TMEM117: variants seen among roughly 807,000 people sequenced by gnomAD.
TMEM117 encodes the protein transmembrane protein 117.
In TMEM117, 27 loss-of-function variants were observed where a neutral mutation model predicts 52.4. That is an observed-to-expected ratio of 0.51 (90% CI 0.38 to 0.71). TMEM117 has a LOEUF of 0.71. Among genes scored for constraint, TMEM117 ranks in the 30% least tolerant of loss-of-function variants. The pLI is 0.00. For synonymous variants in TMEM117, 215 were observed against 206.3 expected, an observed-to-expected ratio of 1.04 and a Z score of -0.36; for missense variants, 556 against 630.5, an observed-to-expected ratio of 0.88 and a Z score of 1.26.
At chr12:44,300,986 T>C (rs990153722) in intron 6 of TMEM117, among the ~76,000 whole-genome samples, 33 of 152,180 alleles carry the variant, frequency 2.2e-4, no homozygotes, top group Non-Finnish European at 3.8e-4. Flanking sequence ...AAAGGCTATT[T>C]TTATCTTCCT....
intron 5 of TMEM117, among the ~76,000 whole-genome samples, chr12:44,255,013 A>G (rs1490527043): frequency 6.6e-6 from 1 of 152,200 alleles, no homozygotes; most frequent in Admixed American, 6.6e-5. Flanking sequence ...GCTGCATAGT[A>G]TTCCATGGTG....
Position 43,913,304 on chromosome 12 carries a change from A to G in TMEM117, c.278-30906A>G, listed in dbSNP as rs972708209. ...CATCTGCTTCATTCTTCACCACAGGAAAGTGCCTCATATTTAATAAACATT... is the reference window on the plus strand; with the variant it reads ...CATCTGCTTCATTCTTCACCACAGGGAAGTGCCTCATATTTAATAAACATT... On this transcript the variant is annotated intron_variant, in intron 2 of 7. Coordinates refer to ENST00000266534, the MANE Select transcript of TMEM117 (RefSeq NM_032256.3). 2.6e-5 allele frequency among the ~76,000 whole-genome samples: 4 copies of G among 152,292 alleles called. No individual in the cohort carries two copies. The East Asian group carries it at 5.8e-4, about 22-fold the overall frequency.
intron 3 of TMEM117, among the ~76,000 whole-genome samples, chr12:44,116,360 C>T (rs1282639813): frequency 6.6e-6 from 1 of 152,118 alleles, no homozygotes; most frequent in African/African-American, 2.4e-5. Context: ...ATTTCCTTTT[C>T]CTCTTTCTGT....
chr12:44,312,808 T>C lies in TMEM117; in HGVS notation c.768+13069T>C, dbSNP rs193271922. Among the ~76,000 whole-genome samples, 158 of 152,294 alleles carry C rather than the reference T, an allele frequency of 1.0e-3. 1 individual carries two copies. The highest frequency in any genetic ancestry group is 3.6e-3 in the African/African-American group (151 of 41,566). ...TTTTTATAATAGCCATTCTGACAGA[T>C]GTGAGATGGTATCTCATTGTGGTTT... On this transcript the variant is annotated intron_variant, in intron 6 of 7. Coordinates refer to ENST00000266534, the MANE Select transcript of TMEM117 (RefSeq NM_032256.3).
chr12:44,324,952 A>G (rs1951176975), intron 6 of TMEM117, among the ~76,000 whole-genome samples: 1 of 152,180 alleles, frequency 6.6e-6, no homozygotes, highest in South Asian at 2.1e-4. Flanking sequence ...GTTGAACATT[A>G]TGACTTATAA....
intron 4 of TMEM117, among the ~76,000 whole-genome samples, chr12:44,186,886 C>T (rs1949284968): frequency 6.6e-6 from 1 of 152,172 alleles, no homozygotes; most frequent in Non-Finnish European, 1.5e-5. Flanking sequence ...TTTGGAAGCA[C>T]ATTAACATTT....
chr12:44,365,597 A>G (rs1951779114), intron 6 of TMEM117, among the ~76,000 whole-genome samples: 1 of 152,114 alleles, frequency 6.6e-6, no homozygotes, highest in Non-Finnish European at 1.5e-5. Context: ...CATGTAAATT[A>G]AGAAAAATCC....
At chr12:43,822,653 A>G in the TMEM117 span, among the ~76,000 whole-genome samples, 214 of 152,286 alleles carry the variant, frequency 1.4e-3, no homozygotes, top group South Asian at 4.3e-3. Context: ...TTTTTCTATC[A>G]GATGAGCAGG....
intron 3 of TMEM117, among the ~76,000 whole-genome samples, chr12:44,081,988 C>T (rs1029511885): frequency 4.0e-5 from 6 of 151,580 alleles, no homozygotes; most frequent in Admixed American, 6.6e-5. Context: ...AAAAACTCCC[C>T]TAGGTAAATA....
At chr12:44,380,833 C>T (rs1294080838) in intron 7 of TMEM117, among the ~76,000 whole-genome samples, 1 of 152,128 alleles carries the variant, frequency 6.6e-6, no homozygotes, top group Non-Finnish European at 1.5e-5. Context: ...CCTCTTGCCA[C>T]TTACCCACTA....
At chr12:44,242,452 C>T (rs1190729447) in intron 5 of TMEM117, among the ~76,000 whole-genome samples, 3 of 151,854 alleles carry the variant, frequency 2.0e-5, no homozygotes, top group Non-Finnish European at 4.4e-5. Context: ...ATCGTCATCC[C>T]TGCAAAGGAC....
intron 4 of TMEM117, among the ~76,000 whole-genome samples, chr12:44,163,287 T>C (rs1003333739): frequency 3.3e-5 from 5 of 152,336 alleles, no homozygotes; most frequent in Non-Finnish European, 5.9e-5. Context: ...TCTTAATACC[T>C]TTTGTCTACA....
chr12:44,206,160 C>T (rs1395836036), intron 4 of TMEM117, among the ~76,000 whole-genome samples: 3 of 152,058 alleles, frequency 2.0e-5, no homozygotes, highest in African/African-American at 4.8e-5. Flanking sequence ...ATGTGCACAA[C>T]GTTAGATTAG....
At chr12:44,311,191 A>G (rs144719669) in intron 6 of TMEM117, among the ~76,000 whole-genome samples, 2,814 of 152,130 alleles carry the variant, frequency 0.018, 86 homozygotes, top group African/African-American at 0.064. Flanking sequence ...ATATATATAT[A>G]TGTATATACA....
chr12:44,094,952 C>A (rs370585051), intron 3 of TMEM117, among the ~76,000 whole-genome samples: 12 of 152,202 alleles, frequency 7.9e-5, no homozygotes, highest in Admixed American at 4.6e-4. Context: ...TACGTATGTA[C>A]CGTCATATTT....
intron 3 of TMEM117, among the ~76,000 whole-genome samples, chr12:44,032,476 A>C (rs1416051830): frequency 6.6e-6 from 1 of 152,214 alleles, no homozygotes; most frequent in African/African-American, 2.4e-5. Flanking sequence ...AATCTGGATC[A>C]GTATTCTAAT....
chr12:43,885,547 T>G (rs916859011), intron 2 of TMEM117, among the ~76,000 whole-genome samples: 7 of 151,898 alleles, frequency 4.6e-5, no homozygotes, highest in Non-Finnish European at 7.4e-5. Flanking sequence ...ACAGTATCTA[T>G]AATTTACCAT....
chr12:44,174,231 G>C lies in TMEM117; in HGVS notation c.510+30607G>C, dbSNP rs566708440. ...TTTAATGAAGAGATCAGAGAACTATGACCCTTGGGCCATATCCAGCCTACC... is the reference window on the plus strand; with the variant it reads ...TTTAATGAAGAGATCAGAGAACTATCACCCTTGGGCCATATCCAGCCTACC... On this transcript the variant is annotated intron_variant, in intron 4 of 7. Transcript: ENST00000266534. Among the ~76,000 whole-genome samples, 17 of 152,202 alleles carry C rather than the reference G, an allele frequency of 1.1e-4. No individual in the cohort carries two copies. In the South Asian group the frequency reaches 3.5e-3, roughly 32 times the overall value.
In TMEM117 at chr12:44,218,678, A is replaced by G. The variant is rs141193946; in HGVS notation, c.608+7291A>G. Among the ~76,000 whole-genome samples, 5 of 152,330 alleles carry G rather than the reference A, an allele frequency of 3.3e-5. No individual in the cohort carries two copies. In the East Asian group the frequency reaches 9.6e-4, roughly 29 times the overall value. On this transcript the variant is annotated intron_variant, in intron 5 of 7. Coordinates refer to ENST00000266534, the MANE Select transcript of TMEM117 (RefSeq NM_032256.3). ...AGTCCAAATTGTTGCACCCAGACAT[A>G]GAAAGACATTTAACCTATCAGACAT...
Sources: gnomAD v4.1 joint callset for allele counts (sites outside exome capture counted in the v4.1 genomes callset) on GRCh38, gnomAD v4.1.1 for gene constraint, MANE v1.5 for transcripts, NCBI Gene and HGNC (gene_info 2026-07-23, HGNC 2026-07-21) for gene names.